The following TNIP3 variants were observed in gnomAD, a reference collection of about 807,000 sequenced individuals.
TNIP3 encodes TNFAIP3-interacting protein 3.
TNIP3 carries 34 observed loss-of-function variants against 54.1 expected under a neutral mutation model. The ratio of observed to expected loss-of-function variants is 0.63; its 90% confidence interval spans 0.48 to 0.84. The LOEUF (loss-of-function observed/expected upper bound fraction) is 0.84. Among genes scored for constraint, TNIP3 ranks in the 40% least tolerant of loss-of-function variants. The pLI is 0.00. For missense variants in TNIP3, 366 were observed against 387.6 expected (o/e 0.94, Z 0.47); for synonymous variants, 134 against 136.8 (o/e 0.98, Z 0.14).
upstream of TNIP3, among the ~76,000 whole-genome samples, chr4:121,166,451 C>T (rs114554312): frequency 3.8e-3 from 573 of 152,292 alleles, 4 homozygotes; most frequent in African/African-American, 0.013. Context: ...AAGAGTCTGG[C>T]TTTTAGTCAA....
upstream of TNIP3, among the ~76,000 whole-genome samples, chr4:121,167,497 G>A (rs1469921256): frequency 6.6e-6 from 1 of 152,096 alleles, no homozygotes; most frequent in Non-Finnish European, 1.5e-5. Flanking sequence ...GAACACAACT[G>A]GGCAAGCCTA....
rs532992045 is a variant in TNIP3, at chr4:121,204,370, A to T, written c.68+12045T>A. The stretch of plus-strand genomic sequence containing the variant: ...GTCTGGAAGCTCCCTACCCACTTCA[A>T]GTTGTCCTGCCTTTTTCAGACCAAA... On this transcript the variant is annotated intron_variant, in intron 2 of 12. Transcript: ENST00000507879. Among the ~76,000 whole-genome samples, 149 of 152,258 alleles carry T rather than the reference A, an allele frequency of 9.8e-4. No individual in the cohort carries two copies. In the South Asian group the frequency reaches 0.016, roughly 17 times the overall value.
At chr4:121,184,537 A>G (rs1454899468) in intron 2 of TNIP3, among the ~76,000 whole-genome samples, 2 of 152,164 alleles carry the variant, frequency 1.3e-5, no homozygotes, top group Non-Finnish European at 2.9e-5. Flanking sequence ...AGAGATGGAG[A>G]GAGTCCTGAC....
At chr4:121,216,329 A>T (rs1726787998) in intron 2 of TNIP3, 3 of 1,169,930 alleles carry the variant, frequency 2.6e-6, no homozygotes, top group African/African-American at 3.1e-5. Context: ...TCTACTCTTA[A>T]TACACTATCA....
chr4:121,152,121 A>T (rs1264029277), intron 5 of TNIP3, among the ~76,000 whole-genome samples: 4 of 152,210 alleles, frequency 2.6e-5, no homozygotes, highest in African/African-American at 9.6e-5. Context: ...TACAAGGCTG[A>T]CATATTACAA....
chr4:121,204,670 G>A (rs1242839898), intron 2 of TNIP3, among the ~76,000 whole-genome samples: 1 of 152,094 alleles, frequency 6.6e-6, no homozygotes, highest in Admixed American at 6.5e-5. Flanking sequence ...AGAAATACCT[G>A]TCTAGATATA....
intron 2 of TNIP3, among the ~76,000 whole-genome samples, chr4:121,206,538 T>TTGTGTGTGTGTGTGTGTG (rs140121953): frequency 0.054 from 8,130 of 151,548 alleles, 274 homozygotes; most frequent in Non-Finnish European, 0.071. Flanking sequence ...TTTGTATATA[T>TTGTGTGTGTGTGTGTGTG]TGTGTGTGTG....
At chr4:121,143,401 A>T (rs1386627820) in intron 7 of TNIP3, among the ~76,000 whole-genome samples, 2 of 152,202 alleles carry the variant, frequency 1.3e-5, no homozygotes, top group African/African-American at 2.4e-5. Flanking sequence ...CTGTTCATTC[A>T]CATCATTGTC....
At chr4:121,163,943 T>C in intron 1 of TNIP3, 117 bp downstream of exon 1, 1 of 1,200,808 alleles carries the variant, frequency 8.3e-7, no homozygotes, top group Non-Finnish European at 1.1e-6. Flanking sequence ...AGAGCAAATC[T>C]TAGCTAAAGA....
Position 121,157,129 on chromosome 4 carries a change from G to T in TNIP3, c.328C>A (p.Arg110Ser), listed in dbSNP as rs143849858. 6.2e-7 allele frequency: 1 copy of T among 1,613,968 alleles called. No homozygotes were observed. The highest frequency in any genetic ancestry group is 8.5e-7 in the Non-Finnish European group (1 of 1,179,986). The change falls in exon 4 of 11, where the codon CGC (arginine) becomes AGC (serine). Residue 110 changes from arginine to serine, a missense_variant. Physicochemically the swap from Arg to Ser is moderately radical, Grantham distance 110. Transcript: ENST00000057513. Reference sequence around the variant, plus strand: ...TGCAGCCGGTCCCGGGTCAGGTCGCGCTGCCTGTCGTCCTCTCTCTGCCTG... The same window carrying T: ...TGCAGCCGGTCCCGGGTCAGGTCGCTCTGCCTGTCGTCCTCTCTCTGCCTG... ...DDRQREDDRQRDLTRDRLQRE... is the reference protein window; with the variant it reads ...DDRQREDDRQSDLTRDRLQRE...
rs185002987 is a variant in TNIP3 at position 121,174,391 on chromosome 4, C to T, written c.189+8285G>A. On this transcript the variant is annotated intron_variant, in intron 3 of 12. Transcript: ENST00000507879. The stretch of plus-strand genomic sequence containing the variant: ...CCATACTCCAGCCTGAGTGACAGAG[C>T]GAGACCCTGTCTCTAAAATAATAAT... Among the ~76,000 whole-genome samples, 427 of 151,334 alleles carry T rather than the reference C, an allele frequency of 2.8e-3. 2 individuals are homozygous for T. The highest frequency in any genetic ancestry group is 9.4e-3 in the African/African-American group (389 of 41,180).
chr4:121,145,918 G>A (rs999211161), intron 7 of TNIP3, among the ~76,000 whole-genome samples: 30 of 150,964 alleles, frequency 2.0e-4, no homozygotes, highest in Non-Finnish European at 8.9e-5. Flanking sequence ...TGGAGGTTGC[G>A]GTGAGCCGAG....
intron 2 of TNIP3, among the ~76,000 whole-genome samples, chr4:121,187,899 T>C (rs1725106007): frequency 2.0e-5 from 3 of 152,194 alleles, no homozygotes; most frequent in Admixed American, 2.0e-4. Flanking sequence ...ATGTGACTAC[T>C]TTTTTTGGTC....
chr4:121,171,383 G>T (rs1020310515), intron 3 of TNIP3, among the ~76,000 whole-genome samples: 1 of 152,152 alleles, frequency 6.6e-6, no homozygotes, highest in Admixed American at 6.5e-5. Flanking sequence ...ATGAATAGAT[G>T]GTGAACAAGT....
At chr4:121,207,415 T>A (rs1347300620) in intron 2 of TNIP3, among the ~76,000 whole-genome samples, 1 of 152,206 alleles carries the variant, frequency 6.6e-6, no homozygotes, top group African/African-American at 2.4e-5. Flanking sequence ...GAAACCAGGA[T>A]ATGTCAATGA....
At chr4:121,160,578 A>T (rs1560657000) in intron 2 of TNIP3, among the ~76,000 whole-genome samples, 2 of 152,220 alleles carry the variant, frequency 1.3e-5, no homozygotes, top group African/African-American at 4.8e-5. Context: ...AGAGGTTCTA[A>T]CATTCATTAA....
chr4:121,218,170 A>G (rs1470704858), upstream of TNIP3, among the ~76,000 whole-genome samples: 1 of 152,192 alleles, frequency 6.6e-6, no homozygotes, highest in Non-Finnish European at 1.5e-5. Context: ...TACATTACAG[A>G]TACAACATCA....
chr4:121,218,289 T>G (rs906197835), upstream of TNIP3, among the ~76,000 whole-genome samples: 2 of 152,298 alleles, frequency 1.3e-5, no homozygotes, highest in Admixed American at 6.5e-5. Flanking sequence ...ATTGTATAGT[T>G]TAAGATTTAC....
upstream of TNIP3, among the ~76,000 whole-genome samples, chr4:121,220,355 C>T (rs890513849): frequency 1.3e-5 from 2 of 152,172 alleles, no homozygotes; most frequent in Non-Finnish European, 2.9e-5. Context: ...TAGTGGTTGT[C>T]CACATGTGTC....
Sources: gnomAD v4.1 joint callset for allele counts (sites outside exome capture counted in the v4.1 genomes callset) on GRCh38, gnomAD v4.1.1 for gene constraint, MANE v1.5 for transcripts, NCBI Gene and HGNC (gene_info 2026-07-23, HGNC 2026-07-21) for gene names.